Variants in TMEM223 observed in about 807,000 individuals in gnomAD.
TMEM223 encodes the protein transmembrane protein 223.
In TMEM223, 14 loss-of-function variants were observed where a neutral mutation model predicts 14.1. The ratio of observed to expected loss-of-function variants is 0.99; its 90% confidence interval spans 0.66 to 1.55. The LOEUF (loss-of-function observed/expected upper bound fraction) is 1.55, where lower values mean the gene tolerates loss of function less well. Among genes scored for constraint, TMEM223 ranks in the 40% most tolerant of loss-of-function variants. The pLI is 0.00. For synonymous variants in TMEM223, 145 were observed against 120.5 expected, an observed-to-expected ratio of 1.20 and a Z score of -1.33; for missense variants, 346 against 269.9, an observed-to-expected ratio of 1.28 and a Z score of -1.97.
At chr11:62,787,853 A>G (rs2084306840), downstream of TMEM223, 5 of 624,280 alleles carry the variant, frequency 8.0e-6, no homozygotes. Flanking sequence ...ACCTGCGTCC[A>G]TCCGTTAAAT....
intron 1 of TMEM223, chr11:62,778,295 C>T: frequency 6.2e-7 from 1 of 1,614,170 alleles, no homozygotes; most frequent in Non-Finnish European, 8.5e-7. Context: ...TTCATGTCTC[C>T]TACCTGGATG....
At chr11:62,782,062 G>T (rs577691534) in intron 1 of TMEM223, 1 of 1,588,702 alleles carries the variant, frequency 6.3e-7, no homozygotes, top group Non-Finnish European at 8.6e-7. Context: ...AGAATGGTGG[G>T]CTCCTGCCTG....
chr11:62,771,269 G>A (rs942380464), downstream of TMEM223: 2 of 152,256 alleles, frequency 1.3e-5, no homozygotes, highest in Non-Finnish European at 2.9e-5. Context: ...AGCGTCACGT[G>A]ACCGCCGGTC....
chr11:62,786,135 G>C (rs577160360), downstream of TMEM223: 33 of 1,220,700 alleles, frequency 2.7e-5, no homozygotes, highest in South Asian at 7.9e-5. Context: ...ATGCCAATCA[G>C]GGAATTTAGG....
In TMEM223 at chr11:62,790,664, TTG is replaced by T. The variant is rs755388798; in HGVS notation, c.566_567del (p.Thr189LysfsTer4). ...GCACCCACAGTATTGTCAAAGAGTTTTGTGTTAGGGAAGTGTCCAGTTTTGTC... is the reference window on the plus strand; with the variant it reads ...GCACCCACAGTATTGTCAAAGAGTTTTGTTAGGGAAGTGTCCAGTTTTGTC... ...LLDKTGHFPNTKLFDNTVGAY... is the reference protein window; with the variant it reads ...LLDKTGHFPNXKLFDNTVGAY... On this transcript the variant is annotated frameshift_variant, in exon 2 of 2. Coordinates refer to ENST00000307366, the MANE Select transcript of TMEM223 (RefSeq NM_001080501.3). LOFTEE classifies it high-confidence loss of function. 1.9e-6 allele frequency: 3 copies of T among 1,612,360 alleles called. No homozygotes were observed. The highest frequency in any genetic ancestry group is 1.7e-4 in the Middle Eastern group (1 of 6,060).
downstream of TMEM223, chr11:62,786,760 T>C (rs776978761): frequency 7.2e-5 from 116 of 1,612,956 alleles, no homozygotes; most frequent in East Asian, 1.5e-3. Flanking sequence ...CCGGGAGCTC[T>C]ACGCCTTCTT....
downstream of TMEM223, among the ~76,000 whole-genome samples, chr11:62,785,419 C>G (rs1422983666): frequency 6.6e-6 from 1 of 151,138 alleles, no homozygotes; most frequent in African/African-American, 2.4e-5. Context: ...GTCTCGAACT[C>G]CTGACCTCCT....
In TMEM223 at chr11:62,777,539, G is replaced by A. The variant is rs569289098; in HGVS notation, c.315-2874C>T. ...AAAGGGTGGTGAAGAACTTGAGCTT[G>A]GCTTAAACTAGGCCAAGAGGAAAAG... On this transcript the variant is annotated intron_variant, in intron 1 of 2. Transcript: ENST00000528367. 1.9e-4 allele frequency among the ~76,000 whole-genome samples: 29 copies of A among 152,184 alleles called. No individual in the cohort carries two copies. In the South Asian group the frequency reaches 3.9e-3, roughly 21 times the overall value.
At chr11:62,778,251 G>T (rs200806239) in intron 1 of TMEM223, 1 of 1,614,046 alleles carries the variant, frequency 6.2e-7, no homozygotes, top group Admixed American at 1.7e-5. Context: ...GGGGCAAAAC[G>T]CCAGGCTGAC....
chr11:62,776,582 G>T, intron 1 of TMEM223: 1 of 1,051,530 alleles, frequency 9.5e-7, no homozygotes, highest in Non-Finnish European at 1.4e-6. Flanking sequence ...CGGGCATGGT[G>T]GCTCATGCCT....
chr11:62,782,376 C>G, intron 1 of TMEM223: 2 of 1,589,854 alleles, frequency 1.3e-6, no homozygotes, highest in Non-Finnish European at 1.7e-6. Flanking sequence ...TGCTGCAGAG[C>G]CAAGTGGGTT....
intron 1 of TMEM223, among the ~76,000 whole-genome samples, chr11:62,781,490 G>A (rs905866730): frequency 1.3e-5 from 2 of 151,662 alleles, no homozygotes; most frequent in African/African-American, 2.4e-5. Context: ...TGGCTAACAC[G>A]GTGAAACCCC....
Position 62,791,716 on chromosome 11 carries a change from G to A in TMEM223, c.279C>T (p.Leu93=). 1 of 1,550,944 alleles carries A rather than the reference G, an allele frequency of 6.4e-7. No individual in the cohort carries two copies. Among genetic ancestry groups the A allele is most frequent in the Non-Finnish European group, 8.7e-7 (1 of 1,147,176 alleles). The change falls in exon 1 of 2, where the codon CTC becomes CTT. Residue 93 remains leucine, a synonymous_variant. Coordinates refer to ENST00000307366, the MANE Select transcript of TMEM223 (RefSeq NM_001080501.3). ...NRGPFDLRSA[L]WRYGLAVGCG... ...AGCCGACGGCCAGACCGTAGCGCCA[G>A]AGCGCGGAGCGCAGGTCGAAGGGGC...
downstream of TMEM223, chr11:62,787,122 C>T: frequency 4.5e-6 from 7 of 1,557,092 alleles, no homozygotes; most frequent in Non-Finnish European, 6.0e-6. Context: ...TCATCATAGC[C>T]GGGCGGCAGG....
At position 62,779,102 on chromosome 11, in the gene TMEM223, C is replaced by G. The variant is rs145037175; in HGVS notation, c.315-4437G>C. 1,951 of 658,422 alleles carry G rather than the reference C, an allele frequency of 3.0e-3. 34 individuals carry two copies. In the African/African-American group the frequency reaches 0.032, roughly 11 times the overall value. The allele number at this position is 658,422 out of a possible 1,614,324, so 40.8% of individuals were successfully genotyped here. On this transcript the variant is annotated intron_variant, in intron 1 of 2. Coordinates refer to the TMEM223 transcript ENST00000528367. Reference sequence around the variant, plus strand: ...ATGGCATGATCTCAGCTCACCGCACCCTCTGCCTCCCAGGTTCAAGTGATT... The same window carrying G: ...ATGGCATGATCTCAGCTCACCGCACGCTCTGCCTCCCAGGTTCAAGTGATT...
chr11:62,791,700 C>T lies in TMEM223; in HGVS notation c.295G>A (p.Ala99Thr), dbSNP rs548046692. The T allele has an allele frequency of 5.1e-5, 79 of 1,545,072 alleles. No homozygotes were observed. In the South Asian group the frequency reaches 7.1e-4, roughly 14 times the overall value. The change falls in exon 1 of 2, where the codon GCC (alanine) becomes ACC (threonine). Residue 99 changes from alanine (A) to threonine (T), a missense_variant. Ala to Thr is a moderately conservative substitution (Grantham distance 58). Coordinates refer to ENST00000307366, the MANE Select transcript of TMEM223 (RefSeq NM_001080501.3). ...TTACCGATGGCGCCGCAGCCGACGG[C>T]CAGACCGTAGCGCCAGAGCGCGGAG... The part of the protein sequence containing the change: ...LRSALWRYGL[A>T]VGCGAIGALV...
At chr11:62,787,569 C>T (rs373062319), downstream of TMEM223, 4 of 1,495,912 alleles carry the variant, frequency 2.7e-6, no homozygotes, top group East Asian at 2.4e-5. Flanking sequence ...GGGAGCTGGC[C>T]GGTCTGGACA....
Position 62,790,150 on chromosome 11 carries a change from C to A in TMEM223, c.*473G>T. Reference sequence around the variant, plus strand: ...ATGTTGGGAGTCTTAGTTTTCCTTTCGTTGGGGGGTGGGGGGGAAACATAA... The same window carrying A: ...ATGTTGGGAGTCTTAGTTTTCCTTTAGTTGGGGGGTGGGGGGGAAACATAA... On this transcript the variant is annotated 3_prime_UTR_variant, in exon 2 of 2. Transcript: ENST00000307366. 1 of 459,346 alleles carries A rather than the reference C, an allele frequency of 2.2e-6. No individual in the cohort carries two copies. The highest frequency in any genetic ancestry group is 3.6e-6 in the Non-Finnish European group (1 of 276,692). The allele number at this position is 459,346 out of a possible 1,614,324, so 28.5% of individuals were successfully genotyped here.
chr11:62,782,047 C>G, intron 1 of TMEM223: 1 of 1,591,814 alleles, frequency 6.3e-7, no homozygotes, highest in Non-Finnish European at 8.6e-7. Flanking sequence ...ATGGCAAGTG[C>G]TGTCAGAATG....
Sources: gnomAD v4.1 joint callset for allele counts (sites outside exome capture counted in the v4.1 genomes callset) on GRCh38, gnomAD v4.1.1 for gene constraint, MANE v1.5 for transcripts, NCBI Gene and HGNC (gene_info 2026-07-23, HGNC 2026-07-21) for gene names.